The following CEP76 variants were observed in gnomAD, a reference collection of about 807,000 sequenced individuals.
The protein encoded by CEP76 is centrosomal protein of 76 kDa.
Under a neutral mutation model 83.3 loss-of-function variants are expected in CEP76, and 55 were observed. That is an observed-to-expected ratio of 0.66 (90% CI 0.53 to 0.83). The LOEUF (loss-of-function observed/expected upper bound fraction) is 0.83, where lower values mean the gene tolerates loss of function less well. Among genes scored for constraint, CEP76 ranks in the 40% least tolerant of loss-of-function variants. The pLI is 0.00. For synonymous variants in CEP76, 270 were observed against 274.5 expected (o/e 0.98, Z 0.16); for missense variants, 694 against 799.5 (o/e 0.87, Z 1.59).
chr18:12,694,040 C>T (rs1308813756), intron 6 of CEP76, among the ~76,000 whole-genome samples: 1 of 151,914 alleles, frequency 6.6e-6, no homozygotes, highest in Non-Finnish European at 1.5e-5. Flanking sequence ...ACTATGTTGC[C>T]CAAGCTGGTC....
chr18:12,699,301 A>G, intron 3 of CEP76, 98 bp from the exon 4 acceptor site: 2 of 814,170 alleles, frequency 2.5e-6, no homozygotes, highest in East Asian at 2.6e-5. Flanking sequence ...TAAAAACCCA[A>G]TACCAAAGAC....
chr18:12,686,511 TC>T, intron 7 of CEP76, 61 bp from the exon 8 acceptor site: 1 of 1,187,376 alleles, frequency 8.4e-7, no homozygotes, highest in Non-Finnish European at 1.2e-6. Flanking sequence ...TATGTTTTTT[TC>T]AAATACATTA....
chr18:12,678,878 C>G (rs2145005652), intron 9 of CEP76: 1 of 152,992 alleles, frequency 6.5e-6, no homozygotes, highest in African/African-American at 2.4e-5. Context: ...ATTGCTTGAA[C>G]CCGGGAGGCG....
intron 6 of CEP76, among the ~76,000 whole-genome samples, chr18:12,692,469 G>A (rs929971788): frequency 2.0e-5 from 3 of 151,880 alleles, no homozygotes; most frequent in Non-Finnish European, 2.9e-5. Context: ...CAGGGCTTTC[G>A]GTCCTCCATA....
chr18:12,669,032 C>CTTTTTTTTTT (rs71174122), downstream of CEP76, among the ~76,000 whole-genome samples: 2 of 41,960 alleles, frequency 4.8e-5, 1 homozygote. Context: ...ACCCCCCGCA[C>CTTTTTTTTTT]TTTTTTTTTT....
At chr18:12,679,433 G>A (rs1263900200) in intron 9 of CEP76, 1 of 152,036 alleles carries the variant, frequency 6.6e-6, no homozygotes, top group Non-Finnish European at 1.5e-5. Context: ...TAGCAGGCAC[G>A]AAGCACACTA....
chr18:12,666,919 A>T (rs2038815977), intron 12 of CEP76, among the ~76,000 whole-genome samples: 1 of 152,132 alleles, frequency 6.6e-6, no homozygotes, highest in Admixed American at 6.6e-5. Flanking sequence ...AAAAAAAGTA[A>T]ATCTTATTCA....
intron 4 of CEP76, among the ~76,000 whole-genome samples, chr18:12,697,801 A>AT (rs2040008268): frequency 6.6e-6 from 1 of 151,388 alleles, no homozygotes; most frequent in African/African-American, 2.4e-5. Flanking sequence ...TATAATTGAC[A>AT]TACAACTGAA....
At position 12,690,946 on chromosome 18, in the gene CEP76, C is replaced by CG. The variant is rs907317825; in HGVS notation, c.933+412_933+413insC. Among the ~76,000 whole-genome samples, 73 of 151,552 alleles carry CG rather than the reference C, an allele frequency of 4.8e-4. 2 individuals carry two copies. Among genetic ancestry groups the CG allele is most frequent in the African/African-American group, 1.1e-3 (46 of 41,386 alleles). On this transcript the variant is annotated intron_variant, in intron 7 of 11. Transcript: ENST00000262127. Reference sequence around the variant, plus strand: ...AATATATATATGCCCAGAGCCCCCCCCCGTTCTGCACACAAGAGCTGGATT... The same window carrying CG: ...AATATATATATGCCCAGAGCCCCCCCGCCGTTCTGCACACAAGAGCTGGATT...
At chr18:12,700,920 AT>A in intron 2 of CEP76, 37 bp downstream of exon 2, 3 of 752,140 alleles carry the variant, frequency 4.0e-6, no homozygotes, top group Non-Finnish European at 6.1e-6. Context: ...TAGTATATAC[AT>A]ATATACTCTC....
chr18:12,702,073 C>T (rs1277529714), intron 1 of CEP76, among the ~76,000 whole-genome samples: 1 of 152,186 alleles, frequency 6.6e-6, no homozygotes. Flanking sequence ...TTGCAGTGAG[C>T]CGAGATCGTG....
rs762171483 is a variant in CEP76 at position 12,702,452 on chromosome 18, C to CG, written c.63+33_63+34insC. 7.8e-6 allele frequency: 12 copies of CG among 1,535,540 alleles called. No homozygotes were observed. In the South Asian group the frequency reaches 1.2e-4, roughly 16 times the overall value. The stretch of plus-strand genomic sequence containing the variant: ...GCAGGAGGGAAAGGTTATGGGTCGG[C>CG]CCGGCGGTCTCTCCCAGCACCCGCG... On this transcript the variant is annotated intron_variant, in intron 1 of 11. Transcript: ENST00000262127.
intron 7 of CEP76, among the ~76,000 whole-genome samples, chr18:12,686,941 A>G (rs1211715220): frequency 6.6e-6 from 1 of 152,228 alleles, no homozygotes; most frequent in African/African-American, 2.4e-5. Context: ...ACAGGAAACA[A>G]TAATTTGTTA....
intron 7 of CEP76, among the ~76,000 whole-genome samples, chr18:12,687,276 T>C (rs1014981863): frequency 6.6e-6 from 1 of 152,176 alleles, no homozygotes. Flanking sequence ...GAACCACTGA[T>C]GTCTTTCTCC....
intron 1 of CEP76, 137 bp downstream of exon 1, chr18:12,702,349 C>A: frequency 1.5e-6 from 1 of 664,212 alleles, no homozygotes; most frequent in Non-Finnish European, 2.6e-6. Context: ...CAAAGCTCTG[C>A]CTACTCTGCG....
intron 5 of CEP76, among the ~76,000 whole-genome samples, chr18:12,696,936 T>G (rs1372228444): frequency 6.8e-6 from 1 of 147,886 alleles, no homozygotes; most frequent in Non-Finnish European, 1.5e-5. Context: ...TAGCCTTATA[T>G]TTAATCAAAT....
intron 6 of CEP76, among the ~76,000 whole-genome samples, chr18:12,693,700 T>C (rs1333130784): frequency 1.3e-5 from 2 of 152,074 alleles, no homozygotes; most frequent in African/African-American, 2.4e-5. Flanking sequence ...GGAGAATTGC[T>C]TGAACTCGGC....
chr18:12,673,082 A>G lies in CEP76; in HGVS notation c.*283T>C. The G allele has an allele frequency of 9.9e-7, 1 of 1,007,266 alleles. No individual in the cohort carries two copies. Among genetic ancestry groups the G allele is most frequent in the Non-Finnish European group, 1.2e-6 (1 of 831,434 alleles). The allele number at this position is 1,007,266 out of a possible 1,614,324, so 62.4% of individuals were successfully genotyped here. On this transcript the variant is annotated 3_prime_UTR_variant, in exon 12 of 12. Transcript: ENST00000262127. ...AAAACTGAATGCATTTTATATTAAT[A>G]TTTAAACTACTGATAACTGTAAACA... is the stretch of plus-strand genomic sequence containing the variant.
intron 8 of CEP76, 167 bp downstream of exon 8, chr18:12,686,095 T>G (rs567999593): frequency 1.2e-5 from 6 of 506,368 alleles, no homozygotes; most frequent in Non-Finnish European, 2.1e-5. Flanking sequence ...TTTTTACTTT[T>G]GTAAGTATTT....
Sources: allele counts gnomAD v4.1 joint callset (sites outside exome capture counted in the v4.1 genomes callset), GRCh38; gene constraint gnomAD v4.1.1; transcripts MANE v1.5; gene names NCBI Gene and HGNC (gene_info 2026-07-23, HGNC 2026-07-21).